NALF1: variants seen among roughly 807,000 people sequenced by gnomAD.
NALF1 encodes family with sequence similarity 155 member A.
NALF1 carries 3 observed loss-of-function variants against 48.4 expected under a neutral mutation model. The ratio of observed to expected loss-of-function variants is 0.06; its 90% CI spans 0.03 to 0.16. NALF1 has a LOEUF of 0.16. Ranked by LOEUF, NALF1 falls within the 10% of genes least tolerant of loss-of-function variation. NALF1 has a pLI of 1.00. For missense variants in NALF1, 526 were observed against 571.5 expected (o/e 0.92, Z 0.81); for synonymous variants, 262 against 245.7 (o/e 1.07, Z -0.62).
At chr13:107,629,416 G>A (rs1412450701) in intron 1 of NALF1, among the ~76,000 whole-genome samples, 3 of 152,150 alleles carry the variant, frequency 2.0e-5, no homozygotes, top group Admixed American at 6.6e-5. Context: ...TCTGAAAACT[G>A]AGACTGAGAT....
At chr13:107,714,470 C>A (rs1380067406) in intron 1 of NALF1, among the ~76,000 whole-genome samples, 1 of 151,896 alleles carries the variant, frequency 6.6e-6, no homozygotes, top group Non-Finnish European at 1.5e-5. Flanking sequence ...GAGTTCGAGA[C>A]CAGCCTGGGC....
intron 1 of NALF1, among the ~76,000 whole-genome samples, chr13:107,698,782 G>A (rs576325655): frequency 2.0e-5 from 3 of 152,110 alleles, no homozygotes; most frequent in East Asian, 1.9e-4. Flanking sequence ...TGACTCTAAC[G>A]AGATATGAGA....
rs922697419 is a variant in NALF1 at position 107,347,470 on chromosome 13, C to A, written c.916-136715G>T. ...ATGCTTTGAGTTATGAAAAAAGGTA[C>A]GTAGAATAGTCCATGTAATTATCAC... On this transcript the variant is annotated intron_variant, in intron 1 of 2. Transcript: ENST00000375915. Among the ~76,000 whole-genome samples, 8 of 152,170 alleles carry A rather than the reference C, an allele frequency of 5.3e-5. No homozygotes were observed. In the East Asian group the frequency reaches 1.3e-3, roughly 26 times the overall value.
chr13:107,547,889 A>T (rs1212781229), intron 1 of NALF1, among the ~76,000 whole-genome samples: 1 of 152,206 alleles, frequency 6.6e-6, no homozygotes, highest in Non-Finnish European at 1.5e-5. Context: ...CAGCAGTAGT[A>T]GCACAAGTAA....
intron 1 of NALF1, among the ~76,000 whole-genome samples, chr13:107,583,234 A>G (rs968093198): frequency 1.3e-5 from 2 of 151,994 alleles, no homozygotes; most frequent in African/African-American, 4.8e-5. Flanking sequence ...TATATAATTT[A>G]TAAATTTTAA....
intron 1 of NALF1, among the ~76,000 whole-genome samples, chr13:107,815,434 G>C (rs1370869067): frequency 6.6e-6 from 1 of 152,026 alleles, no homozygotes; most frequent in Non-Finnish European, 1.5e-5. Flanking sequence ...AGCAATCACT[G>C]AGATAAAAAT....
intron 1 of NALF1, among the ~76,000 whole-genome samples, chr13:107,784,705 C>T (rs773576450): frequency 2.7e-4 from 41 of 152,150 alleles, no homozygotes; most frequent in Admixed American, 7.2e-4. Flanking sequence ...TGCGATACCA[C>T]CTTTCTCCTG....
intron 1 of NALF1, among the ~76,000 whole-genome samples, chr13:107,281,481 T>G (rs982224721): frequency 6.6e-6 from 1 of 152,166 alleles, no homozygotes; most frequent in Non-Finnish European, 1.5e-5. Flanking sequence ...CAGAGTGTGA[T>G]GGTCCTGCTA....
chr13:107,256,558 C>T (rs74114023), intron 1 of NALF1, among the ~76,000 whole-genome samples: 17,255 of 152,180 alleles, frequency 0.11, 1,149 homozygotes, highest in African/African-American at 0.17. Flanking sequence ...AAAACCATCA[C>T]CTAATTTGGG....
At chr13:107,855,259 T>C (rs1234500226) in intron 1 of NALF1, among the ~76,000 whole-genome samples, 1 of 152,208 alleles carries the variant, frequency 6.6e-6, no homozygotes, top group Non-Finnish European at 1.5e-5. Context: ...GCTCATTCCT[T>C]ACACCAAGAT....
At chr13:107,233,069 T>C (rs1027281428) in intron 1 of NALF1, among the ~76,000 whole-genome samples, 1 of 152,156 alleles carries the variant, frequency 6.6e-6, no homozygotes, top group Non-Finnish European at 1.5e-5. Flanking sequence ...TTCTGGGAAG[T>C]GTTTTGGGTT....
Position 107,428,080 on chromosome 13 carries a change from G to A in NALF1, c.916-217325C>T, listed in dbSNP as rs151193380. 5.8e-4 allele frequency among the ~76,000 whole-genome samples: 88 copies of A among 152,252 alleles called. 1 individual carries two copies. The East Asian group carries it at 0.013, about 22-fold the overall frequency. ...GGTTTGAAAGATCTCTTCGAAAAGA[G>A]GGAGGATGAGCTCATCCTTGAAGGA... is the stretch of plus-strand genomic sequence containing the variant. On this transcript the variant is annotated intron_variant, in intron 1 of 2. Transcript: ENST00000375915.
intron 1 of NALF1, among the ~76,000 whole-genome samples, chr13:107,585,111 C>T (rs570867855): frequency 6.6e-5 from 10 of 152,160 alleles, no homozygotes; most frequent in South Asian, 2.1e-4. Context: ...CTCCTTTGAA[C>T]GAAAGAGATA....
At chr13:107,425,268 T>C (rs962273770) in intron 1 of NALF1, among the ~76,000 whole-genome samples, 3 of 152,088 alleles carry the variant, frequency 2.0e-5, no homozygotes, top group African/African-American at 7.2e-5. Flanking sequence ...CTGTTAGTAA[T>C]TCATCATAAA....
In NALF1 at chr13:107,638,201, A is replaced by ATGTATG. The variant is rs1555314238; in HGVS notation, c.915+227480_915+227481insCATACA. 3.5e-4 allele frequency among the ~76,000 whole-genome samples: 39 copies of ATGTATG among 110,852 alleles called. 8 individuals are homozygous for ATGTATG. In the East Asian group the frequency reaches 0.013, roughly 37 times the overall value. The allele number at this position is 110,852 out of a possible 152,430, so 72.7% of individuals were successfully genotyped here. On this transcript the variant is annotated intron_variant, in intron 1 of 2. Transcript: ENST00000375915. ...TATATAAAGATTTATATATATATAT[A>ATGTATG]TATATAATTTAAGATGAACATTGGG... is the stretch of plus-strand genomic sequence containing the variant.
At chr13:107,808,283 C>T (rs1336263887) in intron 1 of NALF1, among the ~76,000 whole-genome samples, 1 of 152,060 alleles carries the variant, frequency 6.6e-6, no homozygotes, top group African/African-American at 2.4e-5. Flanking sequence ...TAACCTTTCT[C>T]GGCTCCATCT....
At position 107,403,845 on chromosome 13, in the gene NALF1, G is replaced by A. The variant is rs138977804; in HGVS notation, c.916-193090C>T. The stretch of plus-strand genomic sequence containing the variant: ...TTCTTCACATAACCATAATCTCACA[G>A]TATTGAAAAAGTGGTCACAAGATTG... On this transcript the variant is annotated intron_variant, in intron 1 of 2. Transcript: ENST00000375915. Among the ~76,000 whole-genome samples the A allele has an allele frequency of 7.6e-3, 1,162 of 152,002 alleles. 10 individuals are homozygous for A. The highest frequency in any genetic ancestry group is 0.014 in the Admixed American group (207 of 15,248).
At chr13:107,615,284 G>A (rs762777886) in intron 1 of NALF1, among the ~76,000 whole-genome samples, 22 of 152,140 alleles carry the variant, frequency 1.4e-4, no homozygotes, top group Non-Finnish European at 2.6e-4. Flanking sequence ...TTTGTCTACA[G>A]TAGGTACTCA....
intron 1 of NALF1, among the ~76,000 whole-genome samples, chr13:107,787,710 T>C (rs1283621644): frequency 6.6e-6 from 1 of 152,198 alleles, no homozygotes; most frequent in African/African-American, 2.4e-5. Context: ...AAAAAATTAC[T>C]ACCAGTATAA....
Sources: gnomAD v4.1 joint callset for allele counts (sites outside exome capture counted in the v4.1 genomes callset) on GRCh38, gnomAD v4.1.1 for gene constraint, MANE v1.5 for transcripts, NCBI Gene and HGNC (gene_info 2026-07-23, HGNC 2026-07-21) for gene names.